MS4A5: variants seen among roughly 807,000 people sequenced by gnomAD.
MS4A5 encodes membrane-spanning 4-domains subfamily A member 5.
A neutral mutation model predicts 18.2 loss-of-function variants in MS4A5; 15 were observed. That is an observed-to-expected ratio of 0.83 (90% CI 0.55 to 1.27). MS4A5 has a LOEUF of 1.27. Among genes scored for constraint, MS4A5 ranks in the 50% most tolerant of loss-of-function variants. MS4A5 has a pLI of 0.00. For synonymous variants in MS4A5, 89 were observed against 78.7 expected, an observed-to-expected ratio of 1.13 and a Z score of -0.69; for missense variants, 232 against 225.7, an observed-to-expected ratio of 1.03 and a Z score of -0.18.
chr11:60,437,753 G>A (rs2086088773), intron 4 of MS4A5, among the ~76,000 whole-genome samples: 1 of 151,474 alleles, frequency 6.6e-6, no homozygotes, highest in South Asian at 2.1e-4. Context: ...CCCAATACAG[G>A]AGCACCAAGA....
In MS4A5 at chr11:60,430,846, C is replaced by T. The variant is rs35266198; in HGVS notation, c.204C>T (p.Phe68=). The T allele has an allele frequency of 9.3e-4, 1,501 of 1,613,250 alleles. 13 individuals are homozygous for T. In the African/African-American group the frequency reaches 0.017, roughly 19 times the overall value. Residue 68 remains phenylalanine (F), a synonymous_variant, in exon 2 of 5, where the codon TTC becomes TTT. Coordinates refer to ENST00000300190, the MANE Select transcript of MS4A5 (RefSeq NM_023945.3). ...TGACCTTTTCTTTTGGAGTTATCTT[C>T]CTTTTCACCTTGTTAAAACCATATC... ...GIMTFSFGVI[F]LFTLLKPYPR...
rs781281635 is a variant in MS4A5 at position 60,437,692 on chromosome 11, G to A, written c.492+3775G>A. On this transcript the variant is annotated intron_variant, in intron 4 of 4. Transcript: ENST00000300190. Reference sequence around the variant, plus strand: ...AGACAAAGAAGGCCATTACATAATGGTAAAGGGATCAATTCAACAAGAAGA... The same window carrying A: ...AGACAAAGAAGGCCATTACATAATGATAAAGGGATCAATTCAACAAGAAGA... 5.1e-4 allele frequency among the ~76,000 whole-genome samples: 77 copies of A among 151,316 alleles called. 1 individual carries two copies. The highest frequency in any genetic ancestry group is 3.0e-3 in the South Asian group (14 of 4,734).
At position 60,433,930 on chromosome 11, in the gene MS4A5, C is replaced by T; in HGVS notation, c.492+13C>T. On this transcript the variant is annotated intron_variant, in intron 4 of 4. Coordinates refer to ENST00000300190, the MANE Select transcript of MS4A5 (RefSeq NM_023945.3). ...TGTCCTGTTCTTGGTAAGTATGTTG[C>T]ATTTATAGAGTGATGAGTAAAGGGC... is the stretch of plus-strand genomic sequence containing the variant. The T allele has an allele frequency of 6.2e-7, 1 of 1,611,896 alleles. No homozygotes were observed. Among genetic ancestry groups the T allele is most frequent in the South Asian group, 1.1e-5 (1 of 90,890 alleles).
In MS4A5 at chr11:60,433,777, C is replaced by A. The variant is rs149549037; in HGVS notation, c.352C>A (p.Arg118=). ...TATTCTATTTCAGATAATATTGAGC[C>A]GAATAATGAATTTTCTTAGTGCCCT... is the stretch of plus-strand genomic sequence containing the variant. ...KTTETLIILS[R]IMNFLSALGA... is the part of the protein sequence containing the mutation. The change falls in exon 4 of 5, where the codon CGA becomes AGA. Residue 118 remains arginine (R), a synonymous_variant. Transcript: ENST00000300190. 9.3e-6 allele frequency: 15 copies of A among 1,613,668 alleles called. No individual in the cohort carries two copies. In the African/African-American group the frequency reaches 1.6e-4, roughly 17 times the overall value.
chr11:60,434,552 A>G (rs903038941), intron 4 of MS4A5, among the ~76,000 whole-genome samples: 1 of 152,246 alleles, frequency 6.6e-6, no homozygotes, highest in Non-Finnish European at 1.5e-5. Context: ...CACAGAAAGC[A>G]GGACTAAAGA....
chr11:60,441,744 A>T (rs1219822863), intron 4 of MS4A5, among the ~76,000 whole-genome samples: 8 of 151,892 alleles, frequency 5.3e-5, no homozygotes, highest in Non-Finnish European at 1.2e-4. Flanking sequence ...ATAGAAAATT[A>T]AAAAATTTAA....
At position 60,429,701 on chromosome 11, in the gene MS4A5, G is replaced by T. The variant is rs768189050; in HGVS notation, c.27G>T (p.Pro9=). The part of the protein sequence containing the change: MDSSTAHS[P]VFLVFPPEIT... ...TGGATTCAAGCACCGCACACAGTCCGGTGTTTCTGGTATTTCCTCCAGAAA... is the reference window on the plus strand; with the variant it reads ...TGGATTCAAGCACCGCACACAGTCCTGTGTTTCTGGTATTTCCTCCAGAAA... Residue 9 remains proline (P), a synonymous_variant, in exon 1 of 5, where the codon CCG becomes CCT. Coordinates refer to ENST00000300190, the MANE Select transcript of MS4A5 (RefSeq NM_023945.3). 1.9e-6 allele frequency: 3 copies of T among 1,613,194 alleles called. No individual in the cohort carries two copies.
intron 3 of MS4A5, among the ~76,000 whole-genome samples, chr11:60,432,782 CA>C (rs1457697578): frequency 8.0e-6 from 1 of 125,150 alleles, no homozygotes; most frequent in African/African-American, 2.9e-5. Context: ...AAAAAAAAAA[CA>C]AAAAAAAGTA....
chr11:60,431,571 G>A (rs1590830192), intron 2 of MS4A5, among the ~76,000 whole-genome samples: 1 of 152,170 alleles, frequency 6.6e-6, no homozygotes, highest in African/African-American at 2.4e-5. Context: ...GGTGTGATGA[G>A]GGAGAATAAA....
intron 4 of MS4A5, among the ~76,000 whole-genome samples, chr11:60,445,661 G>A (rs1350308660): frequency 3.3e-5 from 5 of 152,120 alleles, no homozygotes; most frequent in Non-Finnish European, 7.4e-5. Context: ...TATACAGAGT[G>A]CATATAACTG....
chr11:60,435,569 TGC>T, intron 4 of MS4A5: 2 of 335,382 alleles, frequency 6.0e-6, no homozygotes, highest in East Asian at 8.8e-5. Context: ...GGTCAGTGGG[TGC>T]GTGCACCCTG....
intron 3 of MS4A5, among the ~76,000 whole-genome samples, chr11:60,432,781 A>AAC (rs2086057939): frequency 6.8e-6 from 1 of 147,262 alleles, no homozygotes; most frequent in South Asian, 2.1e-4. Flanking sequence ...AAAAAAAAAA[A>AAC]CAAAAAAAAG....
chr11:60,447,105 G>A (rs1444551584), intron 4 of MS4A5, among the ~76,000 whole-genome samples: 1 of 139,510 alleles, frequency 7.2e-6, no homozygotes, highest in Non-Finnish European at 1.5e-5. Flanking sequence ...GCTATGCTAT[G>A]TTAGCTATCC....
intron 4 of MS4A5, among the ~76,000 whole-genome samples, chr11:60,435,127 T>C (rs1307975542): frequency 2.6e-5 from 4 of 152,130 alleles, no homozygotes; most frequent in Non-Finnish European, 4.4e-5. Flanking sequence ...CAAGAATGTT[T>C]TACCTGAATT....
At chr11:60,447,358 TG>T in intron 4 of MS4A5, among the ~76,000 whole-genome samples, 1 of 151,958 alleles carries the variant, frequency 6.6e-6, no homozygotes, top group Non-Finnish European at 1.5e-5. Flanking sequence ...TGCTATGCTA[TG>T]CTATGCTATG....
chr11:60,445,819 A>G (rs1337219388), intron 4 of MS4A5, among the ~76,000 whole-genome samples: 1 of 152,236 alleles, frequency 6.6e-6, no homozygotes, highest in Non-Finnish European at 1.5e-5. Context: ...CAATGAACTA[A>G]TATTTACATC....
At chr11:60,432,341 A>G in intron 2 of MS4A5, 70 bp from the exon 3 acceptor site, 2 of 980,908 alleles carry the variant, frequency 2.0e-6, no homozygotes, top group South Asian at 1.5e-5. Flanking sequence ...AAATGCATAG[A>G]GGTCTATTCT....
rs540638445 is a variant in MS4A5, at chr11:60,429,621, C to G, written c.-54C>G. The G allele has an allele frequency of 7.7e-6, 12 of 1,549,566 alleles. No individual in the cohort carries two copies. In the African/African-American group the frequency reaches 1.4e-4, roughly 18 times the overall value. On this transcript the variant is annotated 5_prime_UTR_variant, in exon 1 of 5. Coordinates refer to ENST00000300190, the MANE Select transcript of MS4A5 (RefSeq NM_023945.3). ...CCTCAGCACAAGAAAAGAACATGGT[C>G]TAGACTGAAGTACCAACTAAATCAT...
At chr11:60,441,193 C>T (rs1424822548) in intron 4 of MS4A5, among the ~76,000 whole-genome samples, 2 of 129,518 alleles carry the variant, frequency 1.5e-5, no homozygotes, top group Admixed American at 8.4e-5. Context: ...AACCAAACAC[C>T]GCATATTCTC....
Sources: allele counts gnomAD v4.1 joint callset (sites outside exome capture counted in the v4.1 genomes callset), GRCh38; gene constraint gnomAD v4.1.1; transcripts MANE v1.5; gene names NCBI Gene and HGNC (gene_info 2026-07-23, HGNC 2026-07-21).